The following FREM2 variants were observed in gnomAD, a reference collection of about 807,000 sequenced individuals.
The protein encoded by FREM2 is FRAS1-related extracellular matrix protein 2.
Under a neutral mutation model 219.9 loss-of-function variants are expected in FREM2, and 119 were observed. The observed-to-expected ratio is 0.54, with a 90% CI of 0.47 to 0.63. FREM2 has a LOEUF of 0.63. Ranked by LOEUF, FREM2 falls within the 30% of genes least tolerant of loss-of-function variation. FREM2 has a pLI of 0.00. For synonymous variants in FREM2, 1,562 were observed against 1,522.8 expected (o/e 1.03, Z -0.60); for missense variants, 4,030 against 3,993.6 (o/e 1.01, Z -0.25).
chr13:38,702,899 G>A (rs1870397942), intron 2 of FREM2, among the ~76,000 whole-genome samples: 1 of 152,008 alleles, frequency 6.6e-6, no homozygotes. Flanking sequence ...TTTTTTTGCT[G>A]CTGTCTTTGA....
Position 38,690,126 on chromosome 13 carries a change from ACT to A in FREM2, c.2786_2787del (p.Leu929GlnfsTer9). On this transcript the variant is annotated frameshift_variant, in exon 1 of 24. Coordinates refer to ENST00000280481, the MANE Select transcript of FREM2 (RefSeq NM_207361.6). LOFTEE classifies it high-confidence loss of function. The part of the protein sequence containing the change: ...VSDRHHVVPI[T>X]LRVNVRPVDD... ...TGACAGACATCATGTGGTGCCCATC[ACT>A]CTCAGAGTAAATGTCCGGCCAGTGG... The A allele has an allele frequency of 6.2e-7, 1 of 1,614,054 alleles. No individual in the cohort carries two copies. Among genetic ancestry groups the A allele is most frequent in the Non-Finnish European group, 8.5e-7 (1 of 1,180,022 alleles).
chr13:38,754,072 C>G (rs1275158811), intron 2 of FREM2, among the ~76,000 whole-genome samples: 1 of 151,948 alleles, frequency 6.6e-6, no homozygotes, highest in East Asian at 1.9e-4. Context: ...TGCAGATTCC[C>G]ATTCCAACCT....
intron 22 of FREM2, among the ~76,000 whole-genome samples, chr13:38,878,626 G>T (rs1878434889): frequency 6.6e-6 from 1 of 151,924 alleles, no homozygotes; most frequent in Middle Eastern, 3.2e-3. Context: ...CTATGATCAT[G>T]CTACTGCACT....
rs1170115124 is a variant in FREM2, at chr13:38,859,903, CAGGA to C, written c.7519+315_7519+318del. 6.9e-3 allele frequency among the ~76,000 whole-genome samples: 1,047 copies of C among 152,042 alleles called. 7 individuals are homozygous for C. The highest frequency in any genetic ancestry group is 0.024 in the African/African-American group (995 of 41,474). ...GACACATTTTAGTCTAGACAGGGCA[CAGGA>C]ATGCACAGGTAGAAGTGATTAGTTT... On this transcript the variant is annotated intron_variant, in intron 14 of 23. Coordinates refer to ENST00000280481, the MANE Select transcript of FREM2 (RefSeq NM_207361.6).
rs1184958401 is a variant in FREM2, at chr13:38,840,644, A to ATATATATATATATATATATATGTG, written c.6020-5928_6020-5927insATATATATATATATATATATGTGT. 3.4e-3 allele frequency among the ~76,000 whole-genome samples: 457 copies of ATATATATATATATATATATATGTG among 134,192 alleles called. 7 individuals carry two copies. The highest frequency in any genetic ancestry group is 0.012 in the African/African-American group (426 of 34,994). 88.0% of individuals were successfully genotyped at this position (134,192 alleles called of 152,430 possible). A position where few individuals can be genotyped will look rare whatever the true frequency, so the allele number is the denominator to read the frequency against. On this transcript the variant is annotated intron_variant, in intron 6 of 23. Transcript: ENST00000280481. Reference sequence around the variant, plus strand: ...AACTAAAATATATATATATATATATATGTGTATGTATATATATACACACAC... The same window carrying ATATATATATATATATATATATGTG: ...AACTAAAATATATATATATATATATATATATATATATATATATATATGTGTGTGTATGTATATATATACACACAC...
At chr13:38,727,585 G>A (rs975035702) in intron 2 of FREM2, among the ~76,000 whole-genome samples, 2 of 152,238 alleles carry the variant, frequency 1.3e-5, no homozygotes, top group African/African-American at 4.8e-5. Flanking sequence ...GCTGCATGAA[G>A]GCAGAGACTA....
At position 38,846,694 on chromosome 13, in the gene FREM2, T is replaced by C; in HGVS notation, c.6141T>C (p.Ser2047=). Residue 2047 remains serine (S), a synonymous_variant, in exon 7 of 24, where the codon TCT becomes TCC. Coordinates refer to ENST00000280481, the MANE Select transcript of FREM2 (RefSeq NM_207361.6). ...AGTCTTCTAGTGTCACAGTGAGGTC[T>C]CGGAAAACAGATCCTCCCTCTGCAG... ...LSKSSSVTVR[S]RKTDPPSADA... is the part of the protein sequence containing the mutation. 1 of 1,613,848 alleles carries C rather than the reference T, an allele frequency of 6.2e-7. No homozygotes were observed.
intron 13 of FREM2, among the ~76,000 whole-genome samples, chr13:38,858,762 G>A (rs928296632): frequency 6.6e-6 from 1 of 152,136 alleles, no homozygotes; most frequent in Non-Finnish European, 1.5e-5. Context: ...GACTTCATTT[G>A]TTGGGTAGCG....
chr13:38,857,156 T>C (rs1877592998), intron 12 of FREM2, among the ~76,000 whole-genome samples: 3 of 152,118 alleles, frequency 2.0e-5, no homozygotes, highest in Admixed American at 2.0e-4. Flanking sequence ...TTCTTTTGGG[T>C]GAAAAGGATA....
chr13:38,696,255 C>T (rs1356262593), intron 1 of FREM2, among the ~76,000 whole-genome samples: 2 of 152,200 alleles, frequency 1.3e-5, no homozygotes, highest in East Asian at 3.8e-4. Flanking sequence ...TTCCATTCTG[C>T]AAGTGTTCCT....
rs1460573845 is a variant in FREM2, at chr13:38,687,409, C to T, written c.65C>T (p.Pro22Leu). ...ACAGGCAACTCCACCAGCTTTCAAC[C>T]AGGACCGCCACCGCCGCCCCGGCTG... is the stretch of plus-strand genomic sequence containing the variant. The part of the protein sequence containing the change: ...RRTGNSTSFQ[P>L]GPPPPPRLLL... The change falls in exon 1 of 24, where the codon CCA (proline) becomes CTA (leucine). Residue 22 changes from proline to leucine, a missense_variant. Around this residue, in one of 2 missense-constraint regions of FREM2, gnomAD observed 3,102 missense variants for 2,950.7 expected, o/e 1.05. Transcript: ENST00000280481. 16 of 1,607,216 alleles carry T rather than the reference C, an allele frequency of 1.0e-5. No individual in the cohort carries two copies. Among genetic ancestry groups the T allele is most frequent in the Middle Eastern group, 1.6e-4 (1 of 6,068 alleles).
chr13:38,782,502 A>G (rs1265478059), intron 4 of FREM2, among the ~76,000 whole-genome samples: 1 of 152,220 alleles, frequency 6.6e-6, no homozygotes, highest in Non-Finnish European at 1.5e-5. Context: ...GGGAACAGCT[A>G]TTTTTTAAAA....
At chr13:38,728,367 T>A (rs537511358) in intron 2 of FREM2, among the ~76,000 whole-genome samples, 1 of 152,214 alleles carries the variant, frequency 6.6e-6, no homozygotes, top group South Asian at 2.1e-4. Flanking sequence ...AAGGTCTCAA[T>A]AACAGGGAAC....
intron 2 of FREM2, among the ~76,000 whole-genome samples, chr13:38,719,278 T>A (rs1205046429): frequency 6.6e-6 from 1 of 152,202 alleles, no homozygotes; most frequent in Non-Finnish European, 1.5e-5. Context: ...TGGAGTGCAG[T>A]GGCACAATCT....
At chr13:38,784,932 T>G in intron 6 of FREM2, 124 bp downstream of exon 6, 6 of 1,102,382 alleles carry the variant, frequency 5.4e-6, no homozygotes, top group Non-Finnish European at 7.7e-6. Context: ...ATGTTTGGTT[T>G]TTTCATATGA....
At chr13:38,859,788 A>G (rs1335074277) in intron 14 of FREM2, among the ~76,000 whole-genome samples, 198 bp downstream of exon 14, 2 of 152,222 alleles carry the variant, frequency 1.3e-5, no homozygotes, top group Non-Finnish European at 2.9e-5. Flanking sequence ...AGTATCTATT[A>G]TATGCCAGAC....
chr13:38,874,399 C>T (rs1358773729), intron 17 of FREM2, 83 bp from the exon 18 acceptor site: 3 of 1,096,388 alleles, frequency 2.7e-6, no homozygotes, highest in Non-Finnish European at 4.2e-6. Context: ...CAAGTCAAAC[C>T]TGAATTAATT....
intron 6 of FREM2, among the ~76,000 whole-genome samples, chr13:38,795,447 T>G (rs933387752): frequency 6.6e-6 from 1 of 151,854 alleles, no homozygotes; most frequent in Non-Finnish European, 1.5e-5. Context: ...AAAAAATTCT[T>G]TTGTTTTTTA....
chr13:38,729,797 T>C (rs1286907198), intron 2 of FREM2, among the ~76,000 whole-genome samples: 2 of 152,208 alleles, frequency 1.3e-5, no homozygotes, highest in Non-Finnish European at 2.9e-5. Context: ...AATTAGAGTA[T>C]TTAAACTTGT....
Sources: gnomAD v4.1 joint callset for allele counts (sites outside exome capture counted in the v4.1 genomes callset) on GRCh38, gnomAD v4.1.1 for gene constraint, gnomAD v4.1.1 regional missense constraint, MANE v1.5 for transcripts, NCBI Gene and HGNC (gene_info 2026-07-23, HGNC 2026-07-21) for gene names.